Variants in ADAMTS7 observed in about 807,000 individuals in gnomAD.
The protein encoded by ADAMTS7 is A disintegrin and metalloproteinase with thrombospondin motifs 7.
A neutral mutation model predicts 172.6 loss-of-function variants in ADAMTS7; 89 were observed. The ratio of observed to expected loss-of-function variants is 0.52; its 90% CI spans 0.43 to 0.61. The LOEUF (loss-of-function observed/expected upper bound fraction) is 0.61, where lower values mean the gene tolerates loss of function less well. Ranked by LOEUF, ADAMTS7 falls within the 20% of genes least tolerant of loss-of-function variation. The pLI is 0.00. For synonymous variants in ADAMTS7, 885 were observed against 978.4 expected (o/e 0.90, Z 1.78); for missense variants, 1,973 against 2,355.6 (o/e 0.84, Z 3.36).
chr15:78,802,391 A>G (rs893540088), intron 1 of ADAMTS7, among the ~76,000 whole-genome samples: 1 of 152,228 alleles, frequency 6.6e-6, no homozygotes, highest in African/African-American at 2.4e-5. Context: ...CAGATGCGTG[A>G]GCATTCTGCA....
rs1422962571 is a variant in ADAMTS7, at chr15:78,769,619, A to T, written c.2519-1360T>A. 2.0e-5 allele frequency among the ~76,000 whole-genome samples: 3 copies of T among 152,128 alleles called. No homozygotes were observed. The East Asian group carries it at 5.8e-4, about 29-fold the overall frequency. ...TCTGTGGCAAGCAGGAGTGGAGGGG[A>T]GGCTGCTGTGACAAGGACGGTGTGG... On this transcript the variant is annotated intron_variant, in intron 16 of 23. Transcript: ENST00000388820.
intron 8 of ADAMTS7, among the ~76,000 whole-genome samples, chr15:78,782,666 G>T (rs1164389594): frequency 6.6e-6 from 1 of 152,136 alleles, no homozygotes; most frequent in African/African-American, 2.4e-5. Flanking sequence ...TAGCTGACTT[G>T]GTAGAGTGAT....
chr15:78,787,580 C>T (rs2055520683), intron 8 of ADAMTS7, among the ~76,000 whole-genome samples: 1 of 152,182 alleles, frequency 6.6e-6, no homozygotes, highest in South Asian at 2.1e-4. Flanking sequence ...AGGAGAATCG[C>T]TTGAACCCGG....
In ADAMTS7 at chr15:78,764,572, A is replaced by G; in HGVS notation, c.4402T>C (p.Ser1468Pro). The stretch of plus-strand genomic sequence containing the variant: ...TCACGCACCTTACTCCAGTTGCCTG[A>G]GTGCCAGGTGGCACAGGGCCGCAGG... ...CHLRPCATWH[S>P]GNWSKCSRSC... is the part of the protein sequence containing the mutation. The change falls in exon 20 of 24, where the codon TCA (serine) becomes CCA (proline). Residue 1468 changes from serine (S) to proline (P), a missense_variant. Transcript: ENST00000388820. 1 of 1,553,846 alleles carries G rather than the reference A, an allele frequency of 6.4e-7. No individual in the cohort carries two copies. Among genetic ancestry groups the G allele is most frequent in the Non-Finnish European group, 8.6e-7 (1 of 1,157,528 alleles).
intron 1 of ADAMTS7, among the ~76,000 whole-genome samples, chr15:78,801,205 T>C (rs2055720868): frequency 6.6e-6 from 1 of 152,106 alleles, no homozygotes; most frequent in African/African-American, 2.4e-5. Flanking sequence ...CTACTCATCG[T>C]CTCTCCTGCA....
intron 1 of ADAMTS7, among the ~76,000 whole-genome samples, chr15:78,802,537 T>A (rs2055739699): frequency 6.6e-6 from 1 of 152,198 alleles, no homozygotes; most frequent in Admixed American, 6.5e-5. Flanking sequence ...AAAGAAAGGT[T>A]CCAGGGATGG....
At chr15:78,776,713 C>G (rs1410609759) in intron 10 of ADAMTS7, 36 bp downstream of exon 10, 19 of 1,531,802 alleles carry the variant, frequency 1.2e-5, no homozygotes, top group Non-Finnish European at 1.7e-5. Flanking sequence ...TCTGGCCTCT[C>G]ACACACCCAC....
At chr15:78,800,993 G>C (rs1174703548) in intron 1 of ADAMTS7, among the ~76,000 whole-genome samples, 1 of 151,982 alleles carries the variant, frequency 6.6e-6, no homozygotes, top group African/African-American at 2.4e-5. Flanking sequence ...CGCTCGCCTC[G>C]GCCTCCCAAA....
chr15:78,775,938 G>A (rs1427497305), intron 11 of ADAMTS7, among the ~76,000 whole-genome samples: 2 of 152,230 alleles, frequency 1.3e-5, no homozygotes, highest in Non-Finnish European at 1.5e-5. Context: ...TTGCCATGTG[G>A]CCTCTGATGA....
In ADAMTS7 at chr15:78,800,490, G is replaced by A. The variant is rs2055709834; in HGVS notation, c.158C>T (p.Ala53Val). 1 of 1,609,194 alleles carries A rather than the reference G, an allele frequency of 6.2e-7. No homozygotes were observed. The highest frequency in any genetic ancestry group is 1.1e-5 in the South Asian group (1 of 90,282). ...CTCGTAGGACAGGAAGGAGCCCCCC[G>A]CGTCGACTCGAACCGGGTGCACGAT... ...LDIVHPVRVD[A>V]GGSFLSYELW... Residue 53 changes from alanine (A) to valine (V), a missense_variant, in exon 2 of 24, where the codon GCG becomes GTG. Ala to Val is a moderately conservative substitution (Grantham distance 64, BLOSUM62 0). Transcript: ENST00000388820.
At chr15:78,798,543 T>C (rs910743336) in intron 2 of ADAMTS7, among the ~76,000 whole-genome samples, 5 of 152,184 alleles carry the variant, frequency 3.3e-5, no homozygotes, top group Admixed American at 6.5e-5. Context: ...CCCTCCCAGC[T>C]GGCCAGGGCT....
Position 78,766,523 on chromosome 15 carries a change from G to T in ADAMTS7, c.3388C>A (p.Pro1130Thr). 1.3e-6 allele frequency: 2 copies of T among 1,587,834 alleles called. No homozygotes were observed. Among genetic ancestry groups the T allele is most frequent in the Non-Finnish European group, 1.7e-6 (2 of 1,168,474 alleles). The change falls in exon 19 of 24, where the codon CCG becomes ACG. Residue 1130 changes from proline (P) to threonine (T), a missense_variant. By Grantham distance (38) the Pro-to-Thr change is conservative. This residue lies in a region of ADAMTS7 where 771 missense variants were observed against 952.6 expected (regional missense o/e 0.81). Coordinates refer to ENST00000388820, the MANE Select transcript of ADAMTS7 (RefSeq NM_014272.5). ...KEEGVLGPWS[P>T]SPWPSQAGRS... ...CCGGCCTGGCTAGGCCAAGGGCTCGGGGACCAAGGTCCCAGTACCCCCTCC... is the reference window on the plus strand; with the variant it reads ...CCGGCCTGGCTAGGCCAAGGGCTCGTGGACCAAGGTCCCAGTACCCCCTCC...
rs190062951 is a variant in ADAMTS7 at position 78,784,959 on chromosome 15, A to G, written c.1322+3272T>C. Among the ~76,000 whole-genome samples, 44 of 151,918 alleles carry G rather than the reference A, an allele frequency of 2.9e-4. No individual in the cohort carries two copies. The East Asian group carries it at 7.9e-3, about 27-fold the overall frequency. ...AAGCTGCTTGAGGATGTGCTCCACC[A>G]AAACAAATTAAAAAAAAAAAAAAGG... On this transcript the variant is annotated intron_variant, in intron 8 of 23. Coordinates refer to ENST00000388820, the MANE Select transcript of ADAMTS7 (RefSeq NM_014272.5).
chr15:78,771,865 G>T lies in ADAMTS7; in HGVS notation c.2132-36C>A. ...AGGGTTGTGCATAGGTTGTGCCCAG[G>T]GTGAGAGGGTTGCTTATCCCCACCC... On this transcript the variant is annotated intron_variant, in intron 14 of 23. Transcript: ENST00000388820. The surrounding 1 kb of genome is among the most constrained non-coding windows in gnomAD (Gnocchi z 4.9). 6.3e-7 allele frequency: 1 copy of T among 1,590,982 alleles called. No individual in the cohort carries two copies.
intron 8 of ADAMTS7, among the ~76,000 whole-genome samples, chr15:78,784,924 CTT>C (rs1277252552): frequency 6.6e-6 from 1 of 151,530 alleles, no homozygotes; most frequent in South Asian, 2.1e-4. Flanking sequence ...TCCATGCACT[CTT>C]TCTCAGAAAG....
chr15:78,807,363 A>C (rs1173339123), intron 1 of ADAMTS7, among the ~76,000 whole-genome samples: 1 of 152,248 alleles, frequency 6.6e-6, no homozygotes, highest in Non-Finnish European at 1.5e-5. Flanking sequence ...GCGGATGTAC[A>C]GTCCTGTTGA....
At chr15:78,773,528 C>T (rs532885111) in intron 13 of ADAMTS7, among the ~76,000 whole-genome samples, 11 of 151,890 alleles carry the variant, frequency 7.2e-5, no homozygotes, top group South Asian at 2.1e-4. Flanking sequence ...TCCTGAGCAG[C>T]GCGTGCAGGG....
Position 78,759,238 on chromosome 15 carries a change from C to T in ADAMTS7, c.*183G>A, listed in dbSNP as rs1188664143. 2.0e-6 allele frequency: 1 copy of T among 504,226 alleles called. No homozygotes were observed. The highest frequency in any genetic ancestry group is 3.9e-5 in the Admixed American group (1 of 25,578). The allele number at this position is 504,226 out of a possible 1,614,324, so 31.2% of individuals were successfully genotyped here. A position where few individuals can be genotyped will look rare whatever the true frequency, so the allele number is the denominator to read the frequency against. On this transcript the variant is annotated 3_prime_UTR_variant, in exon 24 of 24. Coordinates refer to ENST00000388820, the MANE Select transcript of ADAMTS7 (RefSeq NM_014272.5). ...TGGTAGATGCTCATTTATGTAAAAT[C>T]ATAATAAATGTTACACAAACTGTTA...
chr15:78,765,551 C>A, intron 19 of ADAMTS7, 94 bp downstream of exon 19: 3 of 1,567,316 alleles, frequency 1.9e-6, no homozygotes, highest in South Asian at 1.2e-5. Context: ...GCTAGACAGA[C>A]GGCGCCTGTG....
Sources: gnomAD v4.1 joint callset for allele counts (sites outside exome capture counted in the v4.1 genomes callset) on GRCh38, gnomAD v4.1.1 for gene constraint, gnomAD v4.1.1 regional missense constraint, Gnocchi (gnomAD v3.1) non-coding constraint, MANE v1.5 for transcripts, NCBI Gene and HGNC (gene_info 2026-07-23, HGNC 2026-07-21) for gene names.